AFG1L: variants seen among roughly 807,000 people sequenced by gnomAD.
AFG1L encodes AFG1 like ATPase.
A neutral mutation model predicts 62.2 loss-of-function variants in AFG1L; 53 were observed. The ratio of observed to expected loss-of-function variants is 0.85; its 90% confidence interval spans 0.68 to 1.07. The LOEUF (loss-of-function observed/expected upper bound fraction) is 1.07, where lower values mean the gene tolerates loss of function less well. AFG1L is among the 50% of genes least tolerant of loss of function. The pLI is 0.00. For synonymous variants in AFG1L, 228 were observed against 210.3 expected (o/e 1.08, Z -0.73); for missense variants, 555 against 590.5 (o/e 0.94, Z 0.62).
chr6:108,310,598 A>T (rs1777366420), intron 1 of AFG1L, among the ~76,000 whole-genome samples: 1 of 140,530 alleles, frequency 7.1e-6, no homozygotes, highest in Non-Finnish European at 1.5e-5. Context: ...TTTTTGAGAC[A>T]GAGTCTTGCT....
intron 10 of AFG1L, among the ~76,000 whole-genome samples, chr6:108,492,402 G>A (rs1344859079): frequency 6.6e-6 from 1 of 152,132 alleles, no homozygotes; most frequent in Non-Finnish European, 1.5e-5. Context: ...AATGATTATG[G>A]TAGAATAATG....
chr6:108,426,070 A>T (rs1232018573), intron 7 of AFG1L, among the ~76,000 whole-genome samples: 1 of 152,136 alleles, frequency 6.6e-6, no homozygotes, highest in Non-Finnish European at 1.5e-5. Flanking sequence ...GGATACTAAA[A>T]CTCTAAATAA....
chr6:108,413,946 CA>C (rs973325963), intron 7 of AFG1L, among the ~76,000 whole-genome samples: 4 of 151,062 alleles, frequency 2.6e-5, no homozygotes, highest in South Asian at 4.2e-4. Flanking sequence ...GATAGAGACA[CA>C]AAAAAAACCC....
rs1263391105 is a variant in AFG1L at position 108,524,374 on chromosome 6, G to A, written c.*1949G>A. 1 of 152,204 alleles carries A rather than the reference G, an allele frequency of 6.6e-6. No individual in the cohort carries two copies. Among genetic ancestry groups the A allele is most frequent in the Non-Finnish European group, 1.5e-5 (1 of 68,032 alleles). The allele number at this position is 152,204 out of a possible 1,614,324, so 9.4% of individuals were successfully genotyped here. A position where few individuals can be genotyped will look rare whatever the true frequency, so the allele number is the denominator to read the frequency against. On this transcript the variant is annotated 3_prime_UTR_variant, in exon 13 of 13. Coordinates refer to ENST00000368977, the MANE Select transcript of AFG1L (RefSeq NM_145315.5). ...GATAGACAGACCTGTCCCTGAGTGTGAGTGTATGTAGAAGAGTCCCCCTGT... is the reference window on the plus strand; with the variant it reads ...GATAGACAGACCTGTCCCTGAGTGTAAGTGTATGTAGAAGAGTCCCCCTGT...
intron 1 of AFG1L, among the ~76,000 whole-genome samples, chr6:108,296,519 A>C (rs1484322578): frequency 1.3e-5 from 2 of 152,200 alleles, no homozygotes; most frequent in Non-Finnish European, 2.9e-5. Flanking sequence ...TTCCAGATAT[A>C]TTCTGTGTAT....
intron 1 of AFG1L, chr6:108,296,026 A>G (rs1406680513): frequency 6.6e-6 from 1 of 152,278 alleles, no homozygotes; most frequent in East Asian, 1.9e-4. Context: ...TCTCAAATCC[A>G]AGCAACCCCT....
chr6:108,360,627 A>G (rs542478567), intron 5 of AFG1L, among the ~76,000 whole-genome samples: 1 of 152,316 alleles, frequency 6.6e-6, no homozygotes, highest in Admixed American at 6.5e-5. Flanking sequence ...ACGCAAGAAA[A>G]GGCTGATATC....
At chr6:108,383,189 G>A (rs1171251353) in intron 6 of AFG1L, among the ~76,000 whole-genome samples, 1 of 152,004 alleles carries the variant, frequency 6.6e-6, no homozygotes, top group Admixed American at 6.6e-5. Flanking sequence ...ACTGAGATCA[G>A]GCCACTACAC....
At chr6:108,429,318 C>G (rs948431494) in intron 7 of AFG1L, among the ~76,000 whole-genome samples, 1 of 152,210 alleles carries the variant, frequency 6.6e-6, no homozygotes, top group Non-Finnish European at 1.5e-5. Context: ...TGGCTGAAGG[C>G]GAATGACGAG....
intron 1 of AFG1L, among the ~76,000 whole-genome samples, chr6:108,320,582 A>G (rs573857652): frequency 1.3e-5 from 2 of 152,248 alleles, no homozygotes; most frequent in Non-Finnish European, 2.9e-5. Context: ...TTTAGTTTCT[A>G]TAGGGAACAT....
intron 7 of AFG1L, among the ~76,000 whole-genome samples, chr6:108,415,197 C>T (rs9480853): frequency 0.42 from 64,488 of 152,002 alleles, 13,830 homozygotes; most frequent in Middle Eastern, 0.5. Context: ...TAAAATACCT[C>T]GGAATCCAAC....
chr6:108,407,620 G>A (rs1164361864), intron 7 of AFG1L, among the ~76,000 whole-genome samples: 1 of 151,764 alleles, frequency 6.6e-6, no homozygotes, highest in East Asian at 1.9e-4. Flanking sequence ...AGGAGGTAGA[G>A]GCTGCAGTGA....
intron 10 of AFG1L, among the ~76,000 whole-genome samples, chr6:108,490,998 A>G (rs1206767221): frequency 6.6e-6 from 1 of 152,212 alleles, no homozygotes; most frequent in African/African-American, 2.4e-5. Context: ...AACTGAAAGC[A>G]GATGAAATAA....
chr6:108,337,723 A>G (rs905980391), intron 2 of AFG1L, among the ~76,000 whole-genome samples: 5 of 152,228 alleles, frequency 3.3e-5, no homozygotes, highest in African/African-American at 9.6e-5. Flanking sequence ...TTGGACATAT[A>G]TCATATATTA....
chr6:108,394,959 A>G (rs1473168996), intron 6 of AFG1L, among the ~76,000 whole-genome samples: 1 of 152,208 alleles, frequency 6.6e-6, no homozygotes. Context: ...ATTTAACATT[A>G]AACCCATTTC....
intron 6 of AFG1L, among the ~76,000 whole-genome samples, chr6:108,399,419 C>T (rs913853115): frequency 2.0e-5 from 3 of 151,902 alleles, no homozygotes; most frequent in African/African-American, 2.4e-5. Flanking sequence ...ATCTCTTGAC[C>T]TCATGATCTG....
At chr6:108,300,578 A>G (rs1006676086) in intron 1 of AFG1L, among the ~76,000 whole-genome samples, 1 of 151,898 alleles carries the variant, frequency 6.6e-6, no homozygotes, top group Middle Eastern at 3.4e-3. Context: ...CCAAGGTACA[A>G]TTTATTAGTA....
intron 5 of AFG1L, among the ~76,000 whole-genome samples, chr6:108,363,554 T>A (rs1340211660): frequency 1.3e-5 from 2 of 152,188 alleles, no homozygotes; most frequent in Non-Finnish European, 2.9e-5. Context: ...AGGATCTTCA[T>A]TATGTCCTCT....
intron 11 of AFG1L, among the ~76,000 whole-genome samples, chr6:108,516,806 T>TC (rs1213334550): frequency 6.6e-6 from 1 of 152,142 alleles, no homozygotes; most frequent in Non-Finnish European, 1.5e-5. Flanking sequence ...CAGCAAAGTC[T>TC]CAGGATACAA....
Sources: allele counts gnomAD v4.1 joint callset (sites outside exome capture counted in the v4.1 genomes callset), GRCh38; gene constraint gnomAD v4.1.1; transcripts MANE v1.5; gene names NCBI Gene and HGNC (gene_info 2026-07-23, HGNC 2026-07-21).